FBXL17: variants seen among roughly 807,000 people sequenced by gnomAD.
The protein encoded by FBXL17 is F-box and leucine rich repeat protein 17, also known as F-box/LRR-repeat protein 17.
FBXL17 carries 22 observed loss-of-function variants against 66.2 expected under a neutral mutation model. The observed-to-expected ratio is 0.33, with a 90% CI of 0.24 to 0.47. The LOEUF is 0.47. Ranked by LOEUF, FBXL17 falls within the 20% of genes least tolerant of loss-of-function variation. The pLI is 1.00. For synonymous variants in FBXL17, 474 were observed against 400.5 expected, an observed-to-expected ratio of 1.18 and a Z score of -2.19; for missense variants, 878 against 948.2, an observed-to-expected ratio of 0.93 and a Z score of 0.97.
intron 4 of FBXL17, among the ~76,000 whole-genome samples, chr5:108,229,448 CA>C (rs1204845369): frequency 1.3e-5 from 2 of 152,142 alleles, no homozygotes; most frequent in East Asian, 3.9e-4. Context: ...ACAAAGCCAA[CA>C]AAAACATAAA....
rs373695899 is a variant in FBXL17 at position 108,103,264 on chromosome 5, T to A, written c.1746-82263A>T. ...ACAATTATGCAAAAGGTAACCTGTA[T>A]TCAGTAATGCAACTTCTAAAAGTTC... On this transcript the variant is annotated intron_variant, in intron 6 of 8. Transcript: ENST00000542267. Among the ~76,000 whole-genome samples, 15 of 152,348 alleles carry A rather than the reference T, an allele frequency of 9.8e-5. No homozygotes were observed. In the East Asian group the frequency reaches 2.3e-3, roughly 24 times the overall value.
chr5:107,995,754 A>C (rs1281214859), intron 7 of FBXL17, among the ~76,000 whole-genome samples: 15 of 151,762 alleles, frequency 9.9e-5, no homozygotes, highest in Admixed American at 8.6e-4. Flanking sequence ...TAAATTAAAT[A>C]AGTAGTATTA....
intron 6 of FBXL17, among the ~76,000 whole-genome samples, chr5:108,083,260 G>A (rs1221340902): frequency 1.6e-5 from 2 of 124,876 alleles, no homozygotes; most frequent in African/African-American, 5.3e-5. Flanking sequence ...CAGAGAGAGA[G>A]ATAGACAGAT....
rs191631743 is a variant in FBXL17 at position 108,331,838 on chromosome 5, T to C, written c.1506+16561A>G. ...CAAATCAAAACTGAAAAAAAAGACCTCGTTATCCATATTTATGAATATAAC... is the reference window on the plus strand; with the variant it reads ...CAAATCAAAACTGAAAAAAAAGACCCCGTTATCCATATTTATGAATATAAC... On this transcript the variant is annotated intron_variant, in intron 4 of 8. Coordinates refer to ENST00000542267, the MANE Select transcript of FBXL17 (RefSeq NM_001163315.3). 1.1e-3 allele frequency among the ~76,000 whole-genome samples: 172 copies of C among 152,226 alleles called. 1 individual carries two copies. The highest frequency in any genetic ancestry group is 4.1e-3 in the African/African-American group (169 of 41,540).
intron 6 of FBXL17, among the ~76,000 whole-genome samples, chr5:108,059,986 T>C (rs144723386): frequency 6.6e-6 from 1 of 150,760 alleles, no homozygotes; most frequent in African/African-American, 2.4e-5. Flanking sequence ...AATATGTTTT[T>C]ATATACTGAA....
chr5:108,363,186 G>C (rs1325235768), intron 3 of FBXL17, among the ~76,000 whole-genome samples: 1 of 151,928 alleles, frequency 6.6e-6, no homozygotes, highest in African/African-American at 2.4e-5. Flanking sequence ...TAACATAATA[G>C]TATAGAACAG....
At chr5:107,878,319 C>A in intron 8 of FBXL17, 1 of 930,788 alleles carries the variant, frequency 1.1e-6, no homozygotes, top group Non-Finnish European at 1.3e-6. Context: ...ATTCCAGTAT[C>A]ACAACACAGG....
intron 7 of FBXL17, among the ~76,000 whole-genome samples, chr5:107,991,900 A>G (rs1753265595): frequency 6.6e-6 from 1 of 152,214 alleles, no homozygotes; most frequent in South Asian, 2.1e-4. Flanking sequence ...ATATGTAAGC[A>G]TATCATTGCA....
chr5:108,089,966 T>A (rs1018401312), intron 6 of FBXL17, among the ~76,000 whole-genome samples: 1 of 152,094 alleles, frequency 6.6e-6, no homozygotes, highest in Admixed American at 6.6e-5. Context: ...GAGCTGGGAC[T>A]GCAGGTGTGT....
intron 7 of FBXL17, among the ~76,000 whole-genome samples, chr5:107,985,060 T>A (rs1039143263): frequency 6.6e-6 from 1 of 152,196 alleles, no homozygotes; most frequent in Non-Finnish European, 1.5e-5. Flanking sequence ...AATGTCAAGT[T>A]CATTTTTAAA....
chr5:107,900,423 A>T (rs1463233225), intron 7 of FBXL17, among the ~76,000 whole-genome samples: 3 of 152,200 alleles, frequency 2.0e-5, no homozygotes, highest in Non-Finnish European at 4.4e-5. Context: ...TTATATATAC[A>T]GTTATAAACA....
chr5:108,050,116 T>TA (rs1234057179), intron 6 of FBXL17, among the ~76,000 whole-genome samples: 1 of 152,210 alleles, frequency 6.6e-6, no homozygotes, highest in Non-Finnish European at 1.5e-5. Flanking sequence ...GAAAGAGACT[T>TA]AGACTCCCAC....
chr5:108,047,783 A>G (rs1430718369), intron 6 of FBXL17, among the ~76,000 whole-genome samples: 2 of 152,046 alleles, frequency 1.3e-5, no homozygotes, highest in Non-Finnish European at 2.9e-5. Flanking sequence ...CAGGGACAGA[A>G]CCTAGATCTC....
At chr5:108,345,772 G>T (rs1050006476) in intron 4 of FBXL17, among the ~76,000 whole-genome samples, 1 of 151,724 alleles carries the variant, frequency 6.6e-6, no homozygotes, top group Non-Finnish European at 1.5e-5. Context: ...CCATCTAAAG[G>T]CCAAGATATA....
At chr5:108,065,963 T>A (rs891957017) in intron 6 of FBXL17, among the ~76,000 whole-genome samples, 2 of 152,216 alleles carry the variant, frequency 1.3e-5, no homozygotes, top group East Asian at 3.9e-4. Flanking sequence ...TAATGGTACA[T>A]GAGTACCTGG....
intron 4 of FBXL17, among the ~76,000 whole-genome samples, chr5:108,247,458 C>T (rs1010299540): frequency 6.6e-6 from 1 of 152,100 alleles, no homozygotes. Flanking sequence ...ATTATTTAAC[C>T]TTCTGTATCT....
At chr5:108,050,898 A>C (rs1449243914) in intron 6 of FBXL17, among the ~76,000 whole-genome samples, 1 of 152,204 alleles carries the variant, frequency 6.6e-6, no homozygotes, top group African/African-American at 2.4e-5. Context: ...AAATGATATC[A>C]GTTGATATCA....
intron 6 of FBXL17, among the ~76,000 whole-genome samples, chr5:108,070,241 C>A (rs1748277747): frequency 6.6e-6 from 1 of 152,148 alleles, no homozygotes; most frequent in Non-Finnish European, 1.5e-5. Flanking sequence ...AGGCTCTGAT[C>A]AGGTTAATGA....
At chr5:108,298,367 T>C in intron 4 of FBXL17, 1 of 981,542 alleles carries the variant, frequency 1.0e-6, no homozygotes, top group Non-Finnish European at 1.2e-6. Context: ...ATAGAGAAAG[T>C]TATTTCTTTC....
Sources: allele counts gnomAD v4.1 joint callset (sites outside exome capture counted in the v4.1 genomes callset), GRCh38; gene constraint gnomAD v4.1.1; transcripts MANE v1.5; gene names NCBI Gene and HGNC (gene_info 2026-07-23, HGNC 2026-07-21).